The following PDE9A variants were observed in gnomAD, a reference collection of about 807,000 sequenced individuals.
PDE9A encodes the protein high affinity cGMP-specific 3',5'-cyclic phosphodiesterase 9A.
In PDE9A, 60 loss-of-function variants were observed where a neutral mutation model predicts 87.4. The ratio of observed to expected loss-of-function variants is 0.69; its 90% confidence interval spans 0.56 to 0.85. The LOEUF (loss-of-function observed/expected upper bound fraction) is 0.85. Ranked by LOEUF, PDE9A falls within the 40% of genes least tolerant of loss-of-function variation. The pLI is 0.00. For missense variants in PDE9A, 665 were observed against 779.0 expected (o/e 0.85, Z 1.74); for synonymous variants, 272 against 279.4 (o/e 0.97, Z 0.27).
chr21:42,743,911 G>A lies in PDE9A; in HGVS notation c.653+51G>A, dbSNP rs189276259. ...CGGCCGGGCCTGGGGAGGGCTCCCCGTACCAGTTGGGCTGGGGCTGTGGGC... is the reference window on the plus strand; with the variant it reads ...CGGCCGGGCCTGGGGAGGGCTCCCCATACCAGTTGGGCTGGGGCTGTGGGC... On this transcript the variant is annotated intron_variant, in intron 8 of 19. Coordinates refer to ENST00000291539, the MANE Select transcript of PDE9A (RefSeq NM_002606.3). 2.3e-5 allele frequency: 24 copies of A among 1,031,328 alleles called. No homozygotes were observed. In the East Asian group the frequency reaches 3.1e-4, roughly 13 times the overall value. 63.9% of individuals were successfully genotyped at this position (1,031,328 alleles called of 1,614,324 possible).
chr21:42,773,900 C>T (rs528405685), intron 19 of PDE9A, among the ~76,000 whole-genome samples: 69 of 151,376 alleles, frequency 4.6e-4, no homozygotes, highest in African/African-American at 1.4e-3. Flanking sequence ...GTCAGGAGAT[C>T]GAGACCATCC....
intron 2 of PDE9A, among the ~76,000 whole-genome samples, chr21:42,686,833 A>G (rs1483476647): frequency 1.3e-5 from 2 of 151,954 alleles, no homozygotes. Flanking sequence ...TAAATAAATA[A>G]AAAAGAGTGT....
chr21:42,710,504 T>C (rs1281205240), intron 4 of PDE9A, among the ~76,000 whole-genome samples: 1 of 152,062 alleles, frequency 6.6e-6, no homozygotes, highest in African/African-American at 2.4e-5. Flanking sequence ...ATCTGAGTGA[T>C]CCAGCTGTTC....
At chr21:42,677,606 T>C (rs936517943) in intron 1 of PDE9A, among the ~76,000 whole-genome samples, 1 of 152,094 alleles carries the variant, frequency 6.6e-6, no homozygotes, top group African/African-American at 2.4e-5. Context: ...TTCGCCAGCC[T>C]GTCATGCTCA....
At chr21:42,654,843 T>A (rs2056927157) in intron 1 of PDE9A, among the ~76,000 whole-genome samples, 1 of 152,100 alleles carries the variant, frequency 6.6e-6, no homozygotes, top group South Asian at 2.1e-4. Flanking sequence ...AAATGGAAAG[T>A]ACAGCCCTCT....
intron 3 of PDE9A, among the ~76,000 whole-genome samples, chr21:42,693,898 G>A (rs1449603087): frequency 6.6e-6 from 1 of 152,016 alleles, no homozygotes; most frequent in Non-Finnish European, 1.5e-5. Context: ...AGCCCACCCA[G>A]GAATCTTTTA....
chr21:42,697,271 ATTT>A (rs2060193293), intron 3 of PDE9A: 6 of 628,096 alleles, frequency 9.6e-6, no homozygotes, highest in Middle Eastern at 2.6e-4. Context: ...CACAGGTTTT[ATTT>A]TTTCACATTA....
intron 18 of PDE9A, 148 bp downstream of exon 18, chr21:42,770,946 C>T (rs2056973837): frequency 1.6e-6 from 1 of 623,066 alleles, no homozygotes; most frequent in South Asian, 1.9e-5. Context: ...ATCAGAAAGC[C>T]TGGCTCAGTA....
intron 17 of PDE9A, 127 bp downstream of exon 17, chr21:42,769,282 C>T (rs62213443): frequency 5.0e-6 from 4 of 801,592 alleles, no homozygotes; most frequent in South Asian, 3.4e-5. Flanking sequence ...CACACGTACA[C>T]AGATACACAC....
intron 17 of PDE9A, among the ~76,000 whole-genome samples, chr21:42,769,366 CTT>C (rs940299565): frequency 1.2e-4 from 18 of 149,180 alleles, no homozygotes; most frequent in East Asian, 4.0e-4. Flanking sequence ...CAGGCACACA[CTT>C]GTGCACACAG....
In PDE9A at chr21:42,673,096, C is replaced by T. The variant is rs1345180626; in HGVS notation, c.70-13096C>T. 6.6e-5 allele frequency among the ~76,000 whole-genome samples: 10 copies of T among 152,202 alleles called. No individual in the cohort carries two copies. The East Asian group carries it at 1.3e-3, about 20-fold the overall frequency. On this transcript the variant is annotated intron_variant, in intron 1 of 19. Coordinates refer to ENST00000291539, the MANE Select transcript of PDE9A (RefSeq NM_002606.3). ...TGTAGCGGGCCCTCTATCTGCATGACGAATCCTCCTAACATTCCTGTGGGC... is the reference window on the plus strand; with the variant it reads ...TGTAGCGGGCCCTCTATCTGCATGATGAATCCTCCTAACATTCCTGTGGGC...
chr21:42,655,821 GC>G (rs1167736365), intron 1 of PDE9A, among the ~76,000 whole-genome samples: 1 of 107,094 alleles, frequency 9.3e-6, no homozygotes, highest in Non-Finnish European at 1.9e-5. Flanking sequence ...CCCCCACCCC[GC>G]CCCCCATCTC....
At position 42,759,930 on chromosome 21, in the gene PDE9A, A is replaced by G. The variant is rs773883235; in HGVS notation, c.898-398A>G. Among the ~76,000 whole-genome samples the G allele has an allele frequency of 2.6e-5, 4 of 151,938 alleles. No homozygotes were observed. Among genetic ancestry groups the G allele is most frequent in the Non-Finnish European group, 5.9e-5 (4 of 67,970 alleles). On this transcript the variant is annotated intron_variant, in intron 11 of 19. Coordinates refer to ENST00000291539, the MANE Select transcript of PDE9A (RefSeq NM_002606.3). This position sits in a 1 kb window ranked among gnomAD's most constrained non-coding sequence, Gnocchi z 7.2. ...GTTTTTTTAATGAAATATTGCTCAG[A>G]ACCAAATATTAAAAGCCTATTAAAG...
intron 1 of PDE9A, among the ~76,000 whole-genome samples, chr21:42,663,129 AC>A (rs1312410444): frequency 1.4e-5 from 2 of 147,732 alleles, no homozygotes; most frequent in Non-Finnish European, 3.0e-5. Context: ...ACATGCACAC[AC>A]CACACATGCA....
At chr21:42,689,465 C>A in intron 3 of PDE9A, 2 of 891,460 alleles carry the variant, frequency 2.2e-6, no homozygotes, top group Non-Finnish European at 2.7e-6. Flanking sequence ...CGCTCAGAAG[C>A]AAAGTCACTG....
At chr21:42,735,575 C>A (rs922889045) in intron 7 of PDE9A, among the ~76,000 whole-genome samples, 2 of 152,184 alleles carry the variant, frequency 1.3e-5, no homozygotes, top group African/African-American at 2.4e-5. Context: ...CAATCCTTAC[C>A]GTTCCTGAGC....
chr21:42,665,453 C>G (rs970836926), intron 1 of PDE9A, among the ~76,000 whole-genome samples: 5 of 152,166 alleles, frequency 3.3e-5, no homozygotes, highest in Admixed American at 6.5e-5. Flanking sequence ...CCCAGAGACC[C>G]CTGGCTACAC....
intron 1 of PDE9A, among the ~76,000 whole-genome samples, chr21:42,670,250 T>TTC (rs796372335): frequency 1.0e-4 from 11 of 108,342 alleles, no homozygotes; most frequent in African/African-American, 6.0e-4. Context: ...CTCATACACA[T>TTC]ACATACATTC....
chr21:42,676,562 G>A (rs538885689), intron 1 of PDE9A, among the ~76,000 whole-genome samples: 75 of 152,280 alleles, frequency 4.9e-4, no homozygotes, highest in African/African-American at 1.8e-3. Context: ...TTTTCCAACT[G>A]GCATCATTCC....
Sources: gnomAD v4.1 joint callset for allele counts (sites outside exome capture counted in the v4.1 genomes callset) on GRCh38, gnomAD v4.1.1 for gene constraint, Gnocchi (gnomAD v3.1) non-coding constraint, MANE v1.5 for transcripts, NCBI Gene and HGNC (gene_info 2026-07-23, HGNC 2026-07-21) for gene names.